PALD1: variants seen among roughly 807,000 people sequenced by gnomAD.
The protein encoded by PALD1 is phosphatase domain containing paladin 1.
In PALD1, 57 loss-of-function variants were observed where a neutral mutation model predicts 96.0. The observed-to-expected ratio is 0.59, with a 90% confidence interval of 0.48 to 0.74. The LOEUF (loss-of-function observed/expected upper bound fraction) is 0.74. Among genes scored for constraint, PALD1 ranks in the 30% least tolerant of loss-of-function variants. PALD1 has a pLI of 0.00. For synonymous variants in PALD1, 464 were observed against 473.6 expected, an observed-to-expected ratio of 0.98 and a Z score of 0.26; for missense variants, 1,063 against 1,143.7, an observed-to-expected ratio of 0.93 and a Z score of 1.02.
intron 1 of PALD1, among the ~76,000 whole-genome samples, chr10:70,479,980 A>G (rs899199857): frequency 1.3e-5 from 2 of 152,276 alleles, no homozygotes; most frequent in South Asian, 4.1e-4. Context: ...CTGAACTGGT[A>G]ATAGTGGAAA....
At chr10:70,491,034 C>T (rs1451823159) in intron 1 of PALD1, among the ~76,000 whole-genome samples, 2 of 152,154 alleles carry the variant, frequency 1.3e-5, no homozygotes, top group African/African-American at 4.8e-5. Context: ...CAAGCTCCGC[C>T]TCCTGGGTTC....
At chr10:70,503,676 A>C (rs955003534) in intron 1 of PALD1, among the ~76,000 whole-genome samples, 1 of 152,180 alleles carries the variant, frequency 6.6e-6, no homozygotes. Flanking sequence ...AATACATTGA[A>C]AATATTTTTA....
At chr10:70,545,653 G>T (rs1847347231) in intron 17 of PALD1, among the ~76,000 whole-genome samples, 1 of 151,828 alleles carries the variant, frequency 6.6e-6, no homozygotes, top group Non-Finnish European at 1.5e-5. Context: ...GGCCAGGTTG[G>T]TCTTGAACTT....
chr10:70,495,332 C>A (rs1846175175), intron 1 of PALD1, among the ~76,000 whole-genome samples: 1 of 152,068 alleles, frequency 6.6e-6, no homozygotes, highest in Non-Finnish European at 1.5e-5. Flanking sequence ...TGGTGGACTC[C>A]CTCCCTCCCT....
At chr10:70,526,307 A>G (rs1846866572) in intron 2 of PALD1, among the ~76,000 whole-genome samples, 171 bp downstream of exon 2, 2 of 152,188 alleles carry the variant, frequency 1.3e-5, no homozygotes, top group African/African-American at 4.8e-5. Context: ...GTCACACTGC[A>G]TGCACCTGGC....
chr10:70,520,489 T>C (rs999892109), intron 1 of PALD1, among the ~76,000 whole-genome samples: 1 of 152,140 alleles, frequency 6.6e-6, no homozygotes, highest in Admixed American at 6.5e-5. Context: ...ATCTCTAGCT[T>C]CCCCTGGGCT....
intron 1 of PALD1, among the ~76,000 whole-genome samples, chr10:70,511,313 A>C (rs1337497682): frequency 6.6e-6 from 1 of 152,160 alleles, no homozygotes; most frequent in Non-Finnish European, 1.5e-5. Context: ...TCTACCCTAT[A>C]GTTTCCTTGG....
At chr10:70,532,501 G>C in intron 5 of PALD1, 120 bp from the exon 6 acceptor site, 1 of 962,074 alleles carries the variant, frequency 1.0e-6, no homozygotes, top group East Asian at 2.5e-5. Flanking sequence ...TTCCCTCATG[G>C]GGGGCAGAAG....
intron 1 of PALD1, among the ~76,000 whole-genome samples, chr10:70,504,238 A>G (rs921177786): frequency 1.3e-5 from 2 of 152,342 alleles, no homozygotes; most frequent in South Asian, 2.1e-4. Context: ...TTAAAAACAC[A>G]TATTTCGGCT....
chr10:70,533,152 G>A (rs187516317), intron 7 of PALD1, 82 bp downstream of exon 7: 6 of 1,106,676 alleles, frequency 5.4e-6, no homozygotes, highest in Admixed American at 2.0e-5. Context: ...ACAGCCTCTC[G>A]CCTTCCTCAG....
chr10:70,559,251 G>A (rs1431494353), intron 18 of PALD1, among the ~76,000 whole-genome samples: 3 of 152,120 alleles, frequency 2.0e-5, no homozygotes, highest in Non-Finnish European at 2.9e-5. Context: ...GCATCCGGGG[G>A]AAGAATGGTT....
intron 1 of PALD1, among the ~76,000 whole-genome samples, chr10:70,497,714 G>C (rs1483901928): frequency 1.3e-5 from 2 of 151,940 alleles, no homozygotes; most frequent in East Asian, 3.9e-4. Context: ...CTACAGGCGT[G>C]TGCCACCATG....
chr10:70,535,859 C>T (rs1385122095), intron 10 of PALD1, among the ~76,000 whole-genome samples: 2 of 152,016 alleles, frequency 1.3e-5, no homozygotes, highest in Non-Finnish European at 2.9e-5. Flanking sequence ...TGTCACCACA[C>T]CTTACTTTTT....
At chr10:70,555,956 G>C (rs1035085745) in intron 18 of PALD1, among the ~76,000 whole-genome samples, 1 of 152,106 alleles carries the variant, frequency 6.6e-6, no homozygotes, top group African/African-American at 2.4e-5. Context: ...AGCTGAGATC[G>C]CACCACTGCA....
At chr10:70,493,226 C>A (rs1247897965) in intron 1 of PALD1, among the ~76,000 whole-genome samples, 1 of 152,188 alleles carries the variant, frequency 6.6e-6, no homozygotes, top group Non-Finnish European at 1.5e-5. Flanking sequence ...CTCAAGTGAT[C>A]TTCCCGCCAC....
chr10:70,527,481 G>C (rs1224904255), intron 2 of PALD1, among the ~76,000 whole-genome samples: 1 of 152,186 alleles, frequency 6.6e-6, no homozygotes, highest in Non-Finnish European at 1.5e-5. Context: ...TTGGAATGTT[G>C]ACACTTCCTT....
At position 70,532,765 on chromosome 10, in the gene PALD1, C is replaced by T. The variant is rs1847021992; in HGVS notation, c.778C>T (p.Leu260=). The T allele has an allele frequency of 6.2e-7, 1 of 1,614,140 alleles. No homozygotes were observed. Among genetic ancestry groups the T allele is most frequent in the African/African-American group, 1.3e-5 (1 of 75,064 alleles). ...TEEVYKRPLF[L]QPTYRYHRLP... ...GGAGGTGTACAAGCGGCCCCTCTTC[C>T]TGCAGCCCACCTACAGGTACCACAG... The change falls in exon 6 of 20, where the codon CTG becomes TTG. Residue 260 remains leucine (L), a synonymous_variant. Coordinates refer to ENST00000263563, the MANE Select transcript of PALD1 (RefSeq NM_014431.3).
At chr10:70,502,498 A>G (rs776032335) in intron 1 of PALD1, among the ~76,000 whole-genome samples, 5 of 150,946 alleles carry the variant, frequency 3.3e-5, no homozygotes, top group Admixed American at 6.6e-5. Context: ...TGCAGGGTCA[A>G]AGGGTCTGCA....
At position 70,529,891 on chromosome 10, in the gene PALD1, C is replaced by T. The variant is rs1225323580; in HGVS notation, c.291C>T (p.Gly97=). The change falls in exon 4 of 20, where the codon GGC becomes GGT. Residue 97 remains glycine (G), a splice_region_variant and synonymous_variant. Transcript: ENST00000263563. The part of the protein sequence containing the change: ...DNTPEHYLVQ[G]RYFLVRDVTE... ...TTCCTGTGGCTCTCCCCTGCCAGGG[C>T]CGCTACTTCCTGGTGCGGGATGTCA... The T allele has an allele frequency of 6.2e-7, 1 of 1,613,418 alleles. No homozygotes were observed. Among genetic ancestry groups the T allele is most frequent in the East Asian group, 2.2e-5 (1 of 44,826 alleles).
Sources: allele counts gnomAD v4.1 joint callset (sites outside exome capture counted in the v4.1 genomes callset), GRCh38; gene constraint gnomAD v4.1.1; transcripts MANE v1.5; gene names NCBI Gene and HGNC (gene_info 2026-07-23, HGNC 2026-07-21).